TBC1D32: variants seen among roughly 807,000 people sequenced by gnomAD.
The protein encoded by TBC1D32 is TBC1 domain family member 32, also known as protein broad-minded.
Under a neutral mutation model 170.3 loss-of-function variants are expected in TBC1D32, and 151 were observed. The observed-to-expected ratio is 0.89, with a 90% confidence interval of 0.78 to 1.01. The LOEUF (loss-of-function observed/expected upper bound fraction) is 1.01, where lower values mean the gene tolerates loss of function less well. TBC1D32 is among the 50% of genes least tolerant of loss of function. TBC1D32 has a pLI of 0.00. For missense variants in TBC1D32, 1,464 were observed against 1,457.1 expected (o/e 1.00, Z -0.08); for synonymous variants, 498 against 488.0 (o/e 1.02, Z -0.27).
chr6:121,334,111 G>A (rs1811564301), intron 1 of TBC1D32, among the ~76,000 whole-genome samples, 165 bp downstream of exon 1: 1 of 152,058 alleles, frequency 6.6e-6, no homozygotes, highest in African/African-American at 2.4e-5. Flanking sequence ...TAGGAAATAA[G>A]AATAAATGTT....
chr6:121,203,970 C>G (rs957279743), intron 22 of TBC1D32, among the ~76,000 whole-genome samples: 1 of 150,404 alleles, frequency 6.6e-6, no homozygotes, highest in Non-Finnish European at 1.5e-5. Context: ...AAATATTATT[C>G]CATACAAGCA....
At chr6:121,312,526 G>C (rs921706271) in intron 3 of TBC1D32, among the ~76,000 whole-genome samples, 1 of 152,056 alleles carries the variant, frequency 6.6e-6, no homozygotes, top group Non-Finnish European at 1.5e-5. Context: ...GAGCCACAGT[G>C]ACCTCATTTT....
At chr6:121,264,178 T>C (rs73526641) in intron 15 of TBC1D32, among the ~76,000 whole-genome samples, 7,735 of 151,882 alleles carry the variant, frequency 0.051, 373 homozygotes, top group African/African-American at 0.12. Flanking sequence ...AATAGACCAC[T>C]AGTTAGATTA....
chr6:121,156,877 G>A (rs767022267), intron 24 of TBC1D32, among the ~76,000 whole-genome samples: 1 of 152,044 alleles, frequency 6.6e-6, no homozygotes, highest in East Asian at 1.9e-4. Context: ...GTCTGAGAGT[G>A]TGCTTGGCAT....
At chr6:121,151,387 C>A (rs1258889477) in intron 24 of TBC1D32, among the ~76,000 whole-genome samples, 3 of 152,074 alleles carry the variant, frequency 2.0e-5, no homozygotes, top group Non-Finnish European at 4.4e-5. Flanking sequence ...GATTTCCATT[C>A]TTTTGGATTT....
At chr6:121,120,297 CA>C (rs1296658298) in intron 26 of TBC1D32, among the ~76,000 whole-genome samples, 1 of 151,944 alleles carries the variant, frequency 6.6e-6, no homozygotes, top group Non-Finnish European at 1.5e-5. Context: ...TCTCACTCGG[CA>C]TAATTTAGAA....
intron 5 of TBC1D32, among the ~76,000 whole-genome samples, chr6:121,305,890 T>C (rs1321397850): frequency 6.6e-6 from 1 of 152,142 alleles, no homozygotes; most frequent in Admixed American, 6.5e-5. Context: ...CTCTCCTCTA[T>C]AATAATTGCT....
chr6:121,216,951 C>G (rs1793905352), intron 21 of TBC1D32, among the ~76,000 whole-genome samples: 1 of 152,162 alleles, frequency 6.6e-6, no homozygotes, highest in Non-Finnish European at 1.5e-5. Flanking sequence ...CTGCCTCTAC[C>G]TAGAAAAACA....
chr6:121,161,039 C>A lies in TBC1D32; in HGVS notation c.2588G>T (p.Gly863Val). The change falls in exon 23 of 32, where the codon GGC becomes GTC. Residue 863 changes from glycine (G) to valine (V), a missense_variant. Gly to Val is a moderately radical substitution (Grantham distance 109). Coordinates refer to ENST00000398212, the MANE Select transcript of TBC1D32 (RefSeq NM_152730.6). ...AACATGATTTCTCTCCACTGATAAG[C>A]CATCAATTATAAAGTCCCTGAAAAA... Reference protein sequence around the residue: ...IFGLRDFIIDGLSVERNHVLV... With the variant: ...IFGLRDFIIDVLSVERNHVLV... The A allele has an allele frequency of 6.2e-7, 1 of 1,611,988 alleles. No homozygotes were observed. The highest frequency in any genetic ancestry group is 8.5e-7 in the Non-Finnish European group (1 of 1,179,046).
chr6:121,208,784 G>A lies in TBC1D32; in HGVS notation c.2482-3621C>T, dbSNP rs1420914887. On this transcript the variant is annotated intron_variant, in intron 21 of 31. Coordinates refer to ENST00000398212, the MANE Select transcript of TBC1D32 (RefSeq NM_152730.6). ...CCAAAGGATTCTTCCCTGGAGCCTT[G>A]GGAGGAAGCATGGCCCTGCTGGCAC... Among the ~76,000 whole-genome samples, 3 of 149,744 alleles carry A rather than the reference G, an allele frequency of 2.0e-5. No individual in the cohort carries two copies. In the South Asian group the frequency reaches 6.4e-4, roughly 32 times the overall value.
chr6:121,100,804 T>A (rs1436982471), intron 30 of TBC1D32, among the ~76,000 whole-genome samples: 1 of 152,014 alleles, frequency 6.6e-6, no homozygotes, highest in East Asian at 1.9e-4. Context: ...AGGAGCTGTT[T>A]TTTTGAAAAG....
chr6:121,094,769 ACAATTT>A (rs2128179771), intron 30 of TBC1D32, among the ~76,000 whole-genome samples: 1 of 152,266 alleles, frequency 6.6e-6, no homozygotes, highest in Non-Finnish European at 1.5e-5. Context: ...TAGATAAACC[ACAATTT>A]ATTCAATCAA....
chr6:121,184,494 A>G (rs564094926), intron 22 of TBC1D32, among the ~76,000 whole-genome samples: 21 of 152,018 alleles, frequency 1.4e-4, no homozygotes, highest in Admixed American at 1.2e-3. Context: ...CAATTTTGGA[A>G]GCAACTTCTC....
At chr6:121,177,037 T>C (rs929200482) in intron 22 of TBC1D32, among the ~76,000 whole-genome samples, 30 of 152,220 alleles carry the variant, frequency 2.0e-4, no homozygotes, top group African/African-American at 6.3e-4. Context: ...TGTCATTTTT[T>C]TTTTACTGTA....
intron 15 of TBC1D32, among the ~76,000 whole-genome samples, chr6:121,267,834 G>A (rs1690233306): frequency 6.6e-6 from 1 of 152,110 alleles, no homozygotes; most frequent in African/African-American, 2.4e-5. Flanking sequence ...CTCCCAAGTA[G>A]CCTAACTGGC....
intron 10 of TBC1D32, 105 bp from the exon 11 acceptor site, chr6:121,294,765 G>A: frequency 1.1e-6 from 1 of 904,374 alleles, no homozygotes; most frequent in Non-Finnish European, 1.8e-6. Flanking sequence ...AAATATTTGA[G>A]AAAAATATTT....
intron 22 of TBC1D32, among the ~76,000 whole-genome samples, chr6:121,187,848 G>C (rs1789406803): frequency 6.6e-6 from 1 of 151,942 alleles, no homozygotes; most frequent in Non-Finnish European, 1.5e-5. Context: ...CCTTTAGCTG[G>C]TTGAGAGTTT....
chr6:121,205,166 G>T lies in TBC1D32; in HGVS notation c.2482-3C>A. On this transcript the variant is annotated splice_region_variant and splice_polypyrimidine_tract_variant and intron_variant, in intron 21 of 31. Transcript: ENST00000398212. ...ATTATAAGTCTATCAATAATATCCT[G>T]AAAAAGACAGACAAAATGAGACTGT... 1 of 1,348,722 alleles carries T rather than the reference G, an allele frequency of 7.4e-7. No homozygotes were observed. The highest frequency in any genetic ancestry group is 1.4e-5 in the South Asian group (1 of 71,220). 83.5% of individuals were successfully genotyped at this position (1,348,722 alleles called of 1,614,324 possible). A position where few individuals can be genotyped will look rare whatever the true frequency, so the allele number is the denominator to read the frequency against.
Position 121,115,208 on chromosome 6 carries a change from GAA to G in TBC1D32, c.3015_3016del (p.Ser1006IlefsTer8), listed in dbSNP as rs1455662720. On this transcript the variant is annotated frameshift_variant, in exon 27 of 32. Coordinates refer to ENST00000398212, the MANE Select transcript of TBC1D32 (RefSeq NM_152730.6). LOFTEE classifies it high-confidence loss of function. ...TTTAATGCCAAGCTGCTGCACAGAT[GAA>G]AGACTTTCATTCTTCACATTTGCAT... 2 of 1,602,182 alleles carry G rather than the reference GAA, an allele frequency of 1.2e-6. No individual in the cohort carries two copies. The highest frequency in any genetic ancestry group is 1.1e-5 in the South Asian group (1 of 89,234).
Sources: gnomAD v4.1 joint callset for allele counts (sites outside exome capture counted in the v4.1 genomes callset) on GRCh38, gnomAD v4.1.1 for gene constraint, MANE v1.5 for transcripts, NCBI Gene and HGNC (gene_info 2026-07-23, HGNC 2026-07-21) for gene names.